The following KLHL41 variants were observed in gnomAD, a reference collection of about 807,000 sequenced individuals.
KLHL41 encodes kelch-like protein 41.
Under a neutral mutation model 49.2 loss-of-function variants are expected in KLHL41, and 31 were observed. The observed-to-expected ratio is 0.63, with a 90% CI of 0.47 to 0.85. The LOEUF is 0.85. KLHL41 is among the 40% of genes least tolerant of loss of function. The pLI is 0.00. For synonymous variants in KLHL41, 218 were observed against 258.5 expected (o/e 0.84, Z 1.50); for missense variants, 663 against 726.7 (o/e 0.91, Z 1.01).
chr2:169,513,854 G>A (rs1451183185), intron 1 of KLHL41, among the ~76,000 whole-genome samples: 3 of 152,234 alleles, frequency 2.0e-5, no homozygotes, highest in East Asian at 1.9e-4. Context: ...CCAGGGCATG[G>A]GCACAAGGAG....
intron 5 of KLHL41, among the ~76,000 whole-genome samples, chr2:169,521,999 G>GAA (rs550531775): frequency 1.8e-5 from 2 of 112,302 alleles, no homozygotes. Context: ...AGTCTTAAAA[G>GAA]AAAAAAAAAA....
chr2:169,520,275 AGTGTGTGTGT>A (rs71003095), intron 4 of KLHL41, among the ~76,000 whole-genome samples: 879 of 56,954 alleles, frequency 0.015, 15 homozygotes, highest in African/African-American at 0.041. Flanking sequence ...CTCCTGCCTC[AGTGTGTGTGT>A]GTGTGTGTGT....
intron 1 of KLHL41, among the ~76,000 whole-genome samples, chr2:169,511,518 T>C (rs79822311): frequency 6.6e-5 from 10 of 152,164 alleles, no homozygotes; most frequent in Non-Finnish European, 1.5e-4. Context: ...AGCTCTAAAT[T>C]GGTCAGATTT....
At chr2:169,519,473 C>T (rs1223854744) in intron 4 of KLHL41, among the ~76,000 whole-genome samples, 1 of 151,982 alleles carries the variant, frequency 6.6e-6, no homozygotes, top group Non-Finnish European at 1.5e-5. Flanking sequence ...AAGCAACACA[C>T]AAAAATTGTA....
chr2:169,514,992 C>T, intron 3 of KLHL41, 31 bp downstream of exon 3: 3 of 1,286,456 alleles, frequency 2.3e-6, no homozygotes, highest in South Asian at 2.7e-5. Flanking sequence ...TGATTTATGT[C>T]TAAATGACTT....
chr2:169,515,181 G>A (rs1684097171), intron 3 of KLHL41, among the ~76,000 whole-genome samples: 2 of 151,814 alleles, frequency 1.3e-5, no homozygotes, highest in African/African-American at 4.8e-5. Flanking sequence ...TTACAGGCAT[G>A]CTCCACCACG....
At chr2:169,517,780 A>G (rs1684138200) in intron 3 of KLHL41, among the ~76,000 whole-genome samples, 1 of 152,206 alleles carries the variant, frequency 6.6e-6, no homozygotes, top group Admixed American at 6.5e-5. Flanking sequence ...GTATATTTGC[A>G]CCTAATTATT....
intron 2 of KLHL41, 57 bp downstream of exon 2, chr2:169,514,788 C>T (rs1684088176): frequency 1.9e-6 from 3 of 1,593,264 alleles, no homozygotes; most frequent in South Asian, 1.1e-5. Flanking sequence ...GTGCCTACAA[C>T]ATATTCATAT....
Position 169,520,175 on chromosome 2 carries a change from T to C in KLHL41, c.1563-686T>C, listed in dbSNP as rs1684176798. 4.8e-5 allele frequency among the ~76,000 whole-genome samples: 7 copies of C among 145,040 alleles called. No homozygotes were observed. The South Asian group carries it at 1.5e-3, about 32-fold the overall frequency. ...CTCTGTGTGTGTGTGTGTGTGTGTG[T>C]GTGTGTGTGTGTGTGTGTGTGTGTG... On this transcript the variant is annotated intron_variant, in intron 4 of 5. Transcript: ENST00000284669.
In KLHL41 at chr2:169,510,659, A is replaced by C; in HGVS notation, c.881A>C (p.Asp294Ala). The change falls in exon 1 of 6, where the codon GAC becomes GCC. Residue 294 changes from aspartate (D) to alanine (A), a missense_variant. Transcript: ENST00000284669. This position sits in a 1 kb window ranked among gnomAD's most constrained non-coding sequence, Gnocchi z 4.2. ...GATTTACTTCCTGGTTACCTGAATG[A>C]CATTCCCAGGCATGGAATGTTTGTA... ...DEDLLPGYLNDIPRHGMFVKD... is the reference protein window; with the variant it reads ...DEDLLPGYLNAIPRHGMFVKD... The C allele has an allele frequency of 6.2e-7, 1 of 1,614,106 alleles. No homozygotes were observed. The highest frequency in any genetic ancestry group is 8.5e-7 in the Non-Finnish European group (1 of 1,180,026).
Position 169,514,655 on chromosome 2 carries a change from G to A in KLHL41, c.1192G>A (p.Asp398Asn). ...TCTCTTCGGTCTGGGAGAGGTGGATGATAAAATCTATGTAGTTGCAGGCAA... is the reference window on the plus strand; with the variant it reads ...TCTCTTCGGTCTGGGAGAGGTGGATAATAAAATCTATGTAGTTGCAGGCAA... ...RCLFGLGEVD[D>N]KIYVVAGKDL... Residue 398 changes from aspartate (D) to asparagine (N), a missense_variant, in exon 2 of 6, where the codon GAT (aspartate) becomes AAT (asparagine). Physicochemically the swap from Asp to Asn is conservative, Grantham distance 23. Coordinates refer to ENST00000284669, the MANE Select transcript of KLHL41 (RefSeq NM_006063.3). 3 of 1,613,994 alleles carry A rather than the reference G, an allele frequency of 1.9e-6. No individual in the cohort carries two copies. The highest frequency in any genetic ancestry group is 2.5e-6 in the Non-Finnish European group (3 of 1,179,896).
Position 169,525,711 on chromosome 2 carries a change from CAT to C in KLHL41, c.*17_*18del, listed in dbSNP as rs1574355877. 2.0e-6 allele frequency: 3 copies of C among 1,466,216 alleles called. No individual in the cohort carries two copies. In the South Asian group the frequency reaches 3.4e-5, roughly 17 times the overall value. The allele number at this position is 1,466,216 out of a possible 1,614,324, so 90.8% of individuals were successfully genotyped here. A position where few individuals can be genotyped will look rare whatever the true frequency, so the allele number is the denominator to read the frequency against. On this transcript the variant is annotated 3_prime_UTR_variant, in exon 6 of 6. Transcript: ENST00000284669. ...CTAAACTGTGAACAAGGTGACAAAA[CAT>C]AATAGATTGGGAGGTGGTTTGTTTG...
chr2:169,520,150 CTCTGTGTG>C (rs1574353364), intron 4 of KLHL41, among the ~76,000 whole-genome samples: 2 of 138,064 alleles, frequency 1.4e-5, no homozygotes, highest in South Asian at 2.4e-4. Context: ...CCAGGCCTAG[CTCTGTGTG>C]TGTGTGTGTG....
intron 1 of KLHL41, 121 bp downstream of exon 1, chr2:169,511,009 A>T: frequency 1.3e-6 from 1 of 799,310 alleles, no homozygotes; most frequent in Non-Finnish European, 2.0e-6. Context: ...GTCCTATTCC[A>T]GTCCCTTGCA....
chr2:169,511,910 TGAA>T (rs1266390207), intron 1 of KLHL41, among the ~76,000 whole-genome samples: 1 of 152,238 alleles, frequency 6.6e-6, no homozygotes, highest in East Asian at 1.9e-4. Flanking sequence ...TATCAGTTTA[TGAA>T]GGAGTTGGCT....
In KLHL41 at chr2:169,510,028, C is replaced by T. The variant is rs1684005626; in HGVS notation, c.250C>T (p.Leu84Phe). The part of the protein sequence containing the change: ...VVLDNVDPAI[L>F]DLIIKYLYSA... Reference sequence around the variant, plus strand: ...GCTAGACAATGTGGATCCTGCTATACTTGATTTAATCATCAAATACCTGTA... The same window carrying T: ...GCTAGACAATGTGGATCCTGCTATATTTGATTTAATCATCAAATACCTGTA... The change falls in exon 1 of 6, where the codon CTT becomes TTT. Residue 84 changes from leucine (L) to phenylalanine (F), a missense_variant. By Grantham distance (22) the Leu-to-Phe change is conservative. Coordinates refer to ENST00000284669, the MANE Select transcript of KLHL41 (RefSeq NM_006063.3). The surrounding 1 kb of genome is among the most constrained non-coding windows in gnomAD (Gnocchi z 4.2). 1.9e-6 allele frequency: 3 copies of T among 1,614,042 alleles called. No homozygotes were observed. Among genetic ancestry groups the T allele is most frequent in the East Asian group, 2.2e-5 (1 of 44,894 alleles).
At position 169,510,660 on chromosome 2, in the gene KLHL41, C is replaced by G. The variant is rs767266356; in HGVS notation, c.882C>G (p.Asp294Glu). 1 of 1,614,116 alleles carries G rather than the reference C, an allele frequency of 6.2e-7. No individual in the cohort carries two copies. Among genetic ancestry groups the G allele is most frequent in the Non-Finnish European group, 8.5e-7 (1 of 1,180,012 alleles). The change falls in exon 1 of 6, where the codon GAC becomes GAG. Residue 294 changes from aspartate (D) to glutamate (E), a missense_variant. Asp to Glu is a conservative substitution (Grantham distance 45). This residue lies in a region of KLHL41 where 528 missense variants were observed against 581.0 expected (regional missense o/e 0.91). Transcript: ENST00000284669. This position sits in a 1 kb window ranked among gnomAD's most constrained non-coding sequence, Gnocchi z 4.2. ...ATTTACTTCCTGGTTACCTGAATGA[C>G]ATTCCCAGGCATGGAATGTTTGTAA... ...DEDLLPGYLN[D>E]IPRHGMFVKD... is the part of the protein sequence containing the mutation.
intron 4 of KLHL41, among the ~76,000 whole-genome samples, 168 bp downstream of exon 4, chr2:169,518,543 T>C (rs1684151539): frequency 6.6e-6 from 1 of 152,212 alleles, no homozygotes; most frequent in Non-Finnish European, 1.5e-5. Context: ...TTACTGGATG[T>C]AAATCTTGTC....
intron 3 of KLHL41, 23 bp from the exon 4 acceptor site, chr2:169,518,167 A>C: frequency 6.3e-7 from 1 of 1,589,288 alleles, no homozygotes; most frequent in Non-Finnish European, 8.6e-7. Flanking sequence ...TTCTAAAAGG[A>C]ACATTTGTTT....
Sources: allele counts gnomAD v4.1 joint callset (sites outside exome capture counted in the v4.1 genomes callset), GRCh38; gene constraint gnomAD v4.1.1; regional missense constraint gnomAD v4.1.1; non-coding constraint Gnocchi (gnomAD v3.1); transcripts MANE v1.5; gene names NCBI Gene and HGNC (gene_info 2026-07-23, HGNC 2026-07-21).